The following MRGPRF variants were observed in gnomAD, a reference collection of about 807,000 sequenced individuals.
MRGPRF encodes the protein mas-related G protein-coupled receptor member F.
MRGPRF carries 2 observed loss-of-function variants against 3.3 expected under a neutral mutation model. The observed-to-expected ratio is 0.61, with a 90% CI of 0.25 to 1.92. The LOEUF (loss-of-function observed/expected upper bound fraction) is 1.92. Among genes scored for constraint, MRGPRF ranks in the 40% most tolerant of loss-of-function variants. MRGPRF has a pLI of 0.16. For missense variants in MRGPRF, 500 were observed against 476.0 expected (o/e 1.05, Z -0.47); for synonymous variants, 242 against 222.7 (o/e 1.09, Z -0.77).
In MRGPRF at chr11:69,005,553, T is replaced by C. The variant is rs760946130; in HGVS notation, c.757A>G (p.Ile253Val). 6.3e-6 allele frequency: 10 copies of C among 1,586,136 alleles called. No individual in the cohort carries two copies. The highest frequency in any genetic ancestry group is 1.8e-5 in the Admixed American group (1 of 56,008). ...AGGAACCAGTCGATCCCTAAGTAGA[T>C]GGAGGACACCAGGAAGACGGAGACC... is the stretch of plus-strand genomic sequence containing the variant. ...AMVSVFLVSS[I>V]YLGIDWFLFW... The change falls in exon 3 of 3, where the codon ATC (isoleucine) becomes GTC (valine). Residue 253 changes from isoleucine to valine, a missense_variant. Transcript: ENST00000309099.
rs1384030694 is a variant in MRGPRF at position 69,006,000 on chromosome 11, T to A, written c.310A>T (p.Thr104Ser). 6.4e-7 allele frequency: 1 copy of A among 1,566,948 alleles called. No homozygotes were observed. Among genetic ancestry groups the A allele is most frequent in the Non-Finnish European group, 8.7e-7 (1 of 1,155,740 alleles). ...FSKAVFSILN[T>S]GGFLGTFADY... ...GCAAACGTGCCCAGGAAGCCCCCCGTGTTCAGGATGGAGAACACCGCCTTG... is the reference window on the plus strand; with the variant it reads ...GCAAACGTGCCCAGGAAGCCCCCCGAGTTCAGGATGGAGAACACCGCCTTG... The change falls in exon 3 of 3, where the codon ACG (threonine) becomes TCG (serine). Residue 104 changes from threonine to serine, a missense_variant. Coordinates refer to ENST00000309099, the MANE Select transcript of MRGPRF (RefSeq NM_145015.5).
Position 69,006,082 on chromosome 11 carries a change from G to T in MRGPRF, c.228C>A (p.Asn76Lys). The part of the protein sequence containing the change: ...LWFFGFSIKR[N>K]PFSIYFLHLA... ...GGTGCAGGAAGTAGATGGAGAAGGG[G>T]TTCCTCTTGATGGAGAAGCCGAAAA... The change falls in exon 3 of 3, where the codon AAC (asparagine) becomes AAA (lysine). Residue 76 changes from asparagine to lysine, a missense_variant. By Grantham distance (94) the Asn-to-Lys change is moderately conservative. Transcript: ENST00000309099. The T allele has an allele frequency of 6.2e-7, 1 of 1,609,570 alleles. No individual in the cohort carries two copies. The highest frequency in any genetic ancestry group is 8.5e-7 in the Non-Finnish European group (1 of 1,178,052).
chr11:69,009,681 A>G (rs1860554713), intron 2 of MRGPRF, 173 bp downstream of exon 2: 2 of 760,080 alleles, frequency 2.6e-6, no homozygotes, highest in Non-Finnish European at 4.6e-6. Context: ...AGGAGGGTCC[A>G]GGGAACTTGT....
chr11:69,005,350 C>T lies in MRGPRF; in HGVS notation c.960G>A (p.Leu320=). The T allele has an allele frequency of 6.4e-7, 1 of 1,566,604 alleles. No homozygotes were observed. Among genetic ancestry groups the T allele is most frequent in the South Asian group, 1.2e-5 (1 of 85,400 alleles). Residue 320 remains leucine (L), a synonymous_variant, in exon 3 of 3, where the codon CTG becomes CTA. Transcript: ENST00000309099. ...FQRALRDGAE[L]GEAGGSTPNT... is the part of the protein sequence containing the mutation. ...TGGGCGTGCTGCCCCCGGCCTCCCCCAGCTCAGCGCCGTCCCGCAGGGCCC... is the reference window on the plus strand; with the variant it reads ...TGGGCGTGCTGCCCCCGGCCTCCCCTAGCTCAGCGCCGTCCCGCAGGGCCC...
In MRGPRF at chr11:69,013,133, G is replaced by A. The variant is rs934813366; in HGVS notation, c.-107C>T. The A allele has an allele frequency of 2.0e-5, 3 of 152,472 alleles. No homozygotes were observed. The highest frequency in any genetic ancestry group is 4.4e-5 in the Non-Finnish European group (3 of 68,290). 9.4% of individuals were successfully genotyped at this position (152,472 alleles called of 1,614,324 possible). ...CCTCCTTTTGTGGAGGGCTCTTCCT[G>A]TGACTCCCGCCTCCGGCCGGCGGAC... On this transcript the variant is annotated 5_prime_UTR_variant, in exon 1 of 3. Coordinates refer to ENST00000309099, the MANE Select transcript of MRGPRF (RefSeq NM_145015.5).
In MRGPRF at chr11:69,006,106, A is replaced by G; in HGVS notation, c.204T>C (p.Phe68=). The G allele has an allele frequency of 6.2e-7, 1 of 1,613,624 alleles. No individual in the cohort carries two copies. The highest frequency in any genetic ancestry group is 8.5e-7 in the Non-Finnish European group (1 of 1,179,824). ...GGTTCCTCTTGATGGAGAAGCCGAAAAACCAGAGGACCAGCCCGTTGCCCA... is the reference window on the plus strand; with the variant it reads ...GGTTCCTCTTGATGGAGAAGCCGAAGAACCAGAGGACCAGCCCGTTGCCCA... ...GLVGNGLVLW[F]FGFSIKRNPF... Residue 68 remains phenylalanine (F), a synonymous_variant, in exon 3 of 3, where the codon TTT becomes TTC. Transcript: ENST00000309099.
chr11:69,008,277 GAGGCAA>G (rs1232845762), intron 2 of MRGPRF, among the ~76,000 whole-genome samples: 23 of 152,164 alleles, frequency 1.5e-4, no homozygotes, highest in Non-Finnish European at 3.2e-4. Flanking sequence ...TTTCCCCCCA[GAGGCAA>G]AGGCTGCCTG....
chr11:69,005,441 A>C lies in MRGPRF; in HGVS notation c.869T>G (p.Val290Gly). 5.0e-6 allele frequency: 8 copies of C among 1,590,458 alleles called. No homozygotes were observed. Among genetic ancestry groups the C allele is most frequent in the Non-Finnish European group, 6.8e-6 (8 of 1,168,716 alleles). ...CTTGTCCCTCCCGGCCAGGAAGTAGACGATGGGCTTGGCGCTGCTGTTGAT... is the reference window on the plus strand; with the variant it reads ...CTTGTCCCTCCCGGCCAGGAAGTAGCCGATGGGCTTGGCGCTGCTGTTGAT... ...ICINSSAKPI[V>G]YFLAGRDKSQ... The change falls in exon 3 of 3, where the codon GTC (valine) becomes GGC (glycine). Residue 290 changes from valine to glycine, a missense_variant. Coordinates refer to ENST00000309099, the MANE Select transcript of MRGPRF (RefSeq NM_145015.5).
In MRGPRF at chr11:69,006,238, G is replaced by A; in HGVS notation, c.72C>T (p.Ala24=). 1 of 1,612,382 alleles carries A rather than the reference G, an allele frequency of 6.2e-7. No homozygotes were observed. The highest frequency in any genetic ancestry group is 8.5e-7 in the Non-Finnish European group (1 of 1,179,934). ...GGAAGCCCCGGCTGTAGAGTTCCGG[G>A]GCCTCGCTCAGGCCAGGGCACATCT... is the stretch of plus-strand genomic sequence containing the variant. ...RNKMCPGLSE[A]PELYSRGFLT... Residue 24 remains alanine (A), a synonymous_variant, in exon 3 of 3, where the codon GCC becomes GCT. Coordinates refer to ENST00000309099, the MANE Select transcript of MRGPRF (RefSeq NM_145015.5).
chr11:69,006,773 G>A lies in MRGPRF; in HGVS notation c.49-512C>T, dbSNP rs1244139721. ...TGAGTAGCTGGGACTACGGGCACGC[G>A]GCACCATGCCCGGCTAATTTTTGTA... On this transcript the variant is annotated intron_variant, in intron 2 of 2. Coordinates refer to ENST00000309099, the MANE Select transcript of MRGPRF (RefSeq NM_145015.5). 4.6e-5 allele frequency among the ~76,000 whole-genome samples: 7 copies of A among 151,540 alleles called. No homozygotes were observed. The South Asian group carries it at 6.3e-4, about 14-fold the overall frequency.
chr11:69,007,040 T>G (rs1024972316), intron 2 of MRGPRF, among the ~76,000 whole-genome samples: 1 of 152,096 alleles, frequency 6.6e-6, no homozygotes, highest in Non-Finnish European at 1.5e-5. Context: ...ACTGGGGAAA[T>G]GTGAGTATGG....
chr11:69,005,645 A>G lies in MRGPRF; in HGVS notation c.665T>C (p.Leu222Pro). The change falls in exon 3 of 3, where the codon CTG (leucine) becomes CCG (proline). Residue 222 changes from leucine to proline, a missense_variant. Leu to Pro is a moderately conservative substitution (Grantham distance 98). Transcript: ENST00000309099. ...CCGTCGGGCCCGGCACTCCACGTGC[A>G]GGATGAGGGCCAGGCAGGGCAGCAC... The part of the protein sequence containing the change: ...LMVLPCLALI[L>P]HVECRARRRQ... 2 of 1,553,168 alleles carry G rather than the reference A, an allele frequency of 1.3e-6. No individual in the cohort carries two copies. Among genetic ancestry groups the G allele is most frequent in the Admixed American group, 2.0e-5 (1 of 51,148 alleles).
upstream of MRGPRF, chr11:69,013,247 G>A (rs1243550763): frequency 1.3e-5 from 2 of 152,376 alleles, no homozygotes; most frequent in Non-Finnish European, 2.9e-5. Context: ...TGGAAGAGAT[G>A]GCTTTGGAAG....
chr11:69,012,793 T>G (rs1590683650), intron 1 of MRGPRF, among the ~76,000 whole-genome samples: 1 of 152,160 alleles, frequency 6.6e-6, no homozygotes, highest in African/African-American at 2.4e-5. Flanking sequence ...TGAGGCCAGC[T>G]GAGAGGGGTC....
At chr11:69,007,410 G>A (rs893577344) in intron 2 of MRGPRF, among the ~76,000 whole-genome samples, 3 of 152,190 alleles carry the variant, frequency 2.0e-5, no homozygotes, top group African/African-American at 7.2e-5. Flanking sequence ...GTTTCACCAT[G>A]TTGGCCGGAC....
chr11:69,006,337 G>T (rs994168280), intron 2 of MRGPRF, 76 bp from the exon 3 acceptor site: 14 of 1,326,388 alleles, frequency 1.1e-5, no homozygotes, highest in Non-Finnish European at 1.4e-5. Context: ...GGCCCAGCGT[G>T]GGGGAGGGGG....
intron 1 of MRGPRF, among the ~76,000 whole-genome samples, chr11:69,010,625 T>C (rs184627886): frequency 7.3e-4 from 111 of 152,232 alleles, no homozygotes; most frequent in African/African-American, 2.6e-3. Flanking sequence ...GCTTAGAGGG[T>C]GAGGTCACCT....
Position 69,005,593 on chromosome 11 carries a change from G to C in MRGPRF, c.717C>G (p.His239Gln), listed in dbSNP as rs1462974093. The C allele has an allele frequency of 5.1e-6, 8 of 1,577,652 alleles. No individual in the cohort carries two copies. The highest frequency in any genetic ancestry group is 6.9e-6 in the Non-Finnish European group (8 of 1,162,358). ...RRRQRSAKLN[H>Q]VILAMVSVFL... is the part of the protein sequence containing the mutation. ...AGACGGAGACCATGGCCAGGATGAC[G>C]TGGTTGAGCTTGGCAGAGCGCTGGC... is the stretch of plus-strand genomic sequence containing the variant. Residue 239 changes from histidine to glutamine, a missense_variant, in exon 3 of 3, where the codon CAC becomes CAG. Physicochemically the swap from His to Gln is conservative, Grantham distance 24 (BLOSUM62 0). Transcript: ENST00000309099.
intron 2 of MRGPRF, among the ~76,000 whole-genome samples, chr11:69,007,085 C>T (rs1860506333): frequency 6.6e-6 from 1 of 152,228 alleles, no homozygotes; most frequent in African/African-American, 2.4e-5. Context: ...ATCGGTGTTG[C>T]AGCTTTTGAA....
Sources: allele counts gnomAD v4.1 joint callset (sites outside exome capture counted in the v4.1 genomes callset), GRCh38; gene constraint gnomAD v4.1.1; transcripts MANE v1.5; gene names NCBI Gene and HGNC (gene_info 2026-07-23, HGNC 2026-07-21).